The following MOGAT1 variants were observed in gnomAD, a reference collection of about 807,000 sequenced individuals.
The protein encoded by MOGAT1 is 2-acylglycerol O-acyltransferase 1.
MOGAT1 carries 32 observed loss-of-function variants against 31.4 expected under a neutral mutation model. That is an observed-to-expected ratio of 1.02 (90% CI 0.77 to 1.37). The LOEUF (loss-of-function observed/expected upper bound fraction) is 1.37. MOGAT1 is among the 40% of genes most tolerant of loss of function. The pLI, the probability that MOGAT1 is intolerant of heterozygous loss-of-function variation, is 0.00. For missense variants in MOGAT1, 426 were observed against 402.0 expected (o/e 1.06, Z -0.51); for synonymous variants, 145 against 144.5 (o/e 1.00, Z -0.03).
At chr2:222,673,192 CG>C (rs901345180) in intron 1 of MOGAT1, among the ~76,000 whole-genome samples, 1 of 151,266 alleles carries the variant, frequency 6.6e-6, no homozygotes, top group Non-Finnish European at 1.5e-5. Flanking sequence ...GGATTACAGG[CG>C]TGAGCCACCG....
At chr2:222,683,922 T>G (rs1692623251) in intron 1 of MOGAT1, among the ~76,000 whole-genome samples, 2 of 152,212 alleles carry the variant, frequency 1.3e-5, no homozygotes, top group Non-Finnish European at 2.9e-5. Context: ...CTTTTAAAGT[T>G]ATCAACATAA....
At chr2:222,686,451 A>T (rs28617203) in intron 1 of MOGAT1, among the ~76,000 whole-genome samples, 2,267 of 152,360 alleles carry the variant, frequency 0.015, 54 homozygotes, top group African/African-American at 0.051. Flanking sequence ...TTGAGTACAA[A>T]AGAATGAGGC....
At chr2:222,698,212 A>G (rs1486620408) in intron 5 of MOGAT1, among the ~76,000 whole-genome samples, 1 of 152,216 alleles carries the variant, frequency 6.6e-6, no homozygotes, top group Non-Finnish European at 1.5e-5. Context: ...CTAACTTCTC[A>G]TGGACTAGTT....
chr2:222,673,246 A>T (rs1042278041), intron 1 of MOGAT1, among the ~76,000 whole-genome samples: 1 of 145,480 alleles, frequency 6.9e-6, no homozygotes, highest in Non-Finnish European at 1.5e-5. Flanking sequence ...TTGTTTCAGA[A>T]TGAAGTCTGT....
intron 1 of MOGAT1, among the ~76,000 whole-genome samples, chr2:222,684,486 G>C (rs533077333): frequency 6.6e-6 from 1 of 152,128 alleles, no homozygotes; most frequent in Non-Finnish European, 1.5e-5. Context: ...GCAGTATCTA[G>C]AGTGGGAATT....
At chr2:222,688,580 T>C in intron 2 of MOGAT1, 58 bp downstream of exon 2, 1 of 1,270,914 alleles carries the variant, frequency 7.9e-7, no homozygotes, top group Non-Finnish European at 1.1e-6. Context: ...TGGAAATTTG[T>C]TTTCATCACA....
chr2:222,673,101 C>CG (rs1692445643), intron 1 of MOGAT1, among the ~76,000 whole-genome samples: 2 of 151,262 alleles, frequency 1.3e-5, no homozygotes, highest in South Asian at 4.2e-4. Flanking sequence ...TTAGTAGAGA[C>CG]GGGGTTTCTC....
Position 222,709,915 on chromosome 2 carries a change from A to G in MOGAT1, c.*25A>G, listed in dbSNP as rs1559236235. On this transcript the variant is annotated 3_prime_UTR_variant, in exon 6 of 6. Coordinates refer to ENST00000446656, the MANE Select transcript of MOGAT1 (RefSeq NM_058165.3). Reference sequence around the variant, plus strand: ...ACTTGACTATAAAAAAAAATTAAAAAATAAAAATAAATGACTTGGCTGTAA... The same window carrying G: ...ACTTGACTATAAAAAAAAATTAAAAGATAAAAATAAATGACTTGGCTGTAA... 1 of 1,499,888 alleles carries G rather than the reference A, an allele frequency of 6.7e-7. No individual in the cohort carries two copies. The highest frequency in any genetic ancestry group is 1.3e-5 in the South Asian group (1 of 79,050). The allele number at this position is 1,499,888 out of a possible 1,614,324, so 92.9% of individuals were successfully genotyped here. A position where few individuals can be genotyped will look rare whatever the true frequency, so the allele number is the denominator to read the frequency against.
At chr2:222,707,429 A>G (rs980496720) in intron 5 of MOGAT1, among the ~76,000 whole-genome samples, 1 of 151,392 alleles carries the variant, frequency 6.6e-6, no homozygotes, top group Non-Finnish European at 1.5e-5. Flanking sequence ...GAGGGAAGGG[A>G]GGCAAGGAAG....
chr2:222,691,672 G>GC, intron 3 of MOGAT1, among the ~76,000 whole-genome samples: 1 of 152,282 alleles, frequency 6.6e-6, no homozygotes, highest in Admixed American at 6.5e-5. Flanking sequence ...TCCTAGGACA[G>GC]CCCTTGGTCC....
intron 5 of MOGAT1, among the ~76,000 whole-genome samples, chr2:222,708,815 TTGTG>T (rs140214226): frequency 0.014 from 2,135 of 152,318 alleles, 48 homozygotes; most frequent in African/African-American, 0.049. Context: ...CTGTGTGTAT[TTGTG>T]TATGTGTACA....
intron 3 of MOGAT1, among the ~76,000 whole-genome samples, chr2:222,692,096 T>G (rs1190152006): frequency 6.6e-6 from 1 of 152,100 alleles, no homozygotes; most frequent in Admixed American, 6.5e-5. Flanking sequence ...AGGGATCTGA[T>G]GGATTTGGTG....
chr2:222,683,164 A>G (rs927671077), intron 1 of MOGAT1, among the ~76,000 whole-genome samples: 9 of 151,012 alleles, frequency 6.0e-5, no homozygotes, highest in Admixed American at 4.0e-4. Context: ...TGTTTATGCC[A>G]TGGCACTCCA....
intron 5 of MOGAT1, among the ~76,000 whole-genome samples, chr2:222,702,386 T>C (rs1415471854): frequency 6.6e-6 from 1 of 152,206 alleles, no homozygotes; most frequent in Non-Finnish European, 1.5e-5. Context: ...AATGGTGTTG[T>C]TATATAGGAC....
At chr2:222,708,415 AG>A (rs1271414966) in intron 5 of MOGAT1, among the ~76,000 whole-genome samples, 1 of 152,188 alleles carries the variant, frequency 6.6e-6, no homozygotes, top group Admixed American at 6.5e-5. Flanking sequence ...TGGCATCAGT[AG>A]CAGCATCCGA....
intron 5 of MOGAT1, among the ~76,000 whole-genome samples, chr2:222,701,546 G>GA (rs11435365): frequency 0.51 from 61,555 of 121,460 alleles, 14,115 homozygotes; most frequent in African/African-American, 0.59. Context: ...AAAGAAAAAA[G>GA]AAAAAAGAAA....
At chr2:222,682,382 A>C (rs1432711221) in intron 1 of MOGAT1, among the ~76,000 whole-genome samples, 1 of 152,246 alleles carries the variant, frequency 6.6e-6, no homozygotes, top group East Asian at 1.9e-4. Flanking sequence ...TAAGTAGACC[A>C]GTTCCTCTAC....
At chr2:222,707,530 C>CT (rs1693024099) in intron 5 of MOGAT1, among the ~76,000 whole-genome samples, 1 of 152,084 alleles carries the variant, frequency 6.6e-6, no homozygotes, top group Admixed American at 6.5e-5. Context: ...CCCAGCCCAG[C>CT]CTTGTGCTTT....
Position 222,689,363 on chromosome 2 carries a change from A to G in MOGAT1, c.372A>G (p.Val124=). 6.2e-7 allele frequency: 1 copy of G among 1,614,024 alleles called. No individual in the cohort carries two copies. The part of the protein sequence containing the change: ...MAVGAFGNFS[V]NYSDFKDLFP... ...TTGGAGCCTTTGGGAATTTTTCTGT[A>G]AATTATTCTGACTTCAAGGACCTGT... is the stretch of plus-strand genomic sequence containing the variant. Residue 124 remains valine, a synonymous_variant, in exon 3 of 6, where the codon GTA becomes GTG. Coordinates refer to ENST00000446656, the MANE Select transcript of MOGAT1 (RefSeq NM_058165.3).
Sources: allele counts gnomAD v4.1 joint callset (sites outside exome capture counted in the v4.1 genomes callset), GRCh38; gene constraint gnomAD v4.1.1; transcripts MANE v1.5; gene names NCBI Gene and HGNC (gene_info 2026-07-23, HGNC 2026-07-21).